SHLD1: variants seen among roughly 807,000 people sequenced by gnomAD.
The protein encoded by SHLD1 is shieldin complex subunit 1, also known as RINN1-REV7-interacting novel NHEJ regulator 3.
SHLD1 carries 3 observed loss-of-function variants against 5.5 expected under a neutral mutation model. The ratio of observed to expected loss-of-function variants is 0.54; its 90% CI spans 0.25 to 1.40. The LOEUF (loss-of-function observed/expected upper bound fraction) is 1.40. SHLD1 is among the 40% of genes most tolerant of loss of function. SHLD1 has a pLI of 0.15. For synonymous variants in SHLD1, 92 were observed against 94.3 expected (o/e 0.98, Z 0.14); for missense variants, 210 against 244.4 (o/e 0.86, Z 0.94).
intron 2 of SHLD1, among the ~76,000 whole-genome samples, chr20:5,779,972 GT>G (rs11381238): frequency 0.012 from 944 of 81,764 alleles, 4 homozygotes; most frequent in African/African-American, 0.042. Context: ...TACAATTTCT[GT>G]TTTTTTTTTT....
intron 2 of SHLD1, among the ~76,000 whole-genome samples, chr20:5,804,033 G>A (rs75005150): frequency 0.024 from 3,639 of 150,588 alleles, 150 homozygotes; most frequent in African/African-American, 0.084. Flanking sequence ...CTGTATGGCC[G>A]GGCGCAGTGG....
intron 2 of SHLD1, among the ~76,000 whole-genome samples, chr20:5,807,070 G>GC (rs2087388177): frequency 6.6e-6 from 1 of 152,212 alleles, no homozygotes; most frequent in South Asian, 2.1e-4. Context: ...GCAGGGCTTT[G>GC]CCCTCCTGGG....
At chr20:5,851,914 C>G (rs1032656858) in intron 2 of SHLD1, among the ~76,000 whole-genome samples, 4 of 151,478 alleles carry the variant, frequency 2.6e-5, no homozygotes, top group African/African-American at 9.7e-5. Context: ...GTGTTTGGGC[C>G]ATGAGGGTGG....
intron 1 of SHLD1, among the ~76,000 whole-genome samples, chr20:5,754,411 A>C (rs1468953416): frequency 6.6e-6 from 1 of 152,072 alleles, no homozygotes; most frequent in Non-Finnish European, 1.5e-5. Context: ...GCACCTGGCC[A>C]TGATCTCTAT....
chr20:5,830,636 C>A (rs982635129), intron 2 of SHLD1, among the ~76,000 whole-genome samples: 4 of 150,572 alleles, frequency 2.7e-5, no homozygotes, highest in African/African-American at 9.8e-5. Flanking sequence ...TGCAGTGAGC[C>A]GAGATTGCGC....
chr20:5,822,563 A>G (rs2087617742), intron 2 of SHLD1, among the ~76,000 whole-genome samples: 1 of 152,028 alleles, frequency 6.6e-6, no homozygotes, highest in African/African-American at 2.4e-5. Context: ...TGTGTCCCTA[A>G]GTCCCAGCAG....
chr20:5,755,685 C>G (rs986770735), intron 1 of SHLD1, among the ~76,000 whole-genome samples: 2 of 151,970 alleles, frequency 1.3e-5, no homozygotes, highest in Admixed American at 6.6e-5. Flanking sequence ...TCAGCCTCCC[C>G]AGTAGCTGGG....
At chr20:5,811,336 TGA>T (rs1228987866) in intron 2 of SHLD1, among the ~76,000 whole-genome samples, 1 of 152,118 alleles carries the variant, frequency 6.6e-6, no homozygotes, top group Non-Finnish European at 1.5e-5. Context: ...AGCCAGCAAC[TGA>T]GAGTGGAAAC....
intron 2 of SHLD1, among the ~76,000 whole-genome samples, chr20:5,779,415 C>G (rs1425657054): frequency 6.6e-6 from 1 of 152,152 alleles, no homozygotes; most frequent in Non-Finnish European, 1.5e-5. Context: ...ATTTTCTTTT[C>G]CATGCCTCTT....
At chr20:5,761,823 C>G (rs112154799) in intron 1 of SHLD1, among the ~76,000 whole-genome samples, 11,757 of 151,718 alleles carry the variant, frequency 0.077, 557 homozygotes, top group African/African-American at 0.12. Flanking sequence ...GGCCAGGCTG[C>G]TCTCGAACTA....
Position 5,792,876 on chromosome 20 carries a change from T to A in SHLD1, c.178+19833T>A, listed in dbSNP as rs570660143. On this transcript the variant is annotated intron_variant, in intron 2 of 2. Coordinates refer to ENST00000303142, the MANE Select transcript of SHLD1 (RefSeq NM_152504.4). ...TTTTAGTAGAGACGGGGTTTCATCA[T>A]GTTGGCCAGGCTGGTCTCGAACTCC... 1.8e-3 allele frequency among the ~76,000 whole-genome samples: 271 copies of A among 152,028 alleles called. 1 individual carries two copies. The highest frequency in any genetic ancestry group is 5.8e-3 in the South Asian group (28 of 4,812).
chr20:5,854,514 C>G (rs976052923), intron 2 of SHLD1, among the ~76,000 whole-genome samples: 8 of 152,202 alleles, frequency 5.3e-5, no homozygotes, highest in African/African-American at 1.7e-4. Context: ...ACTAAGGCTT[C>G]TAAACTAGCA....
At chr20:5,750,874 G>GC (rs1270139134) in intron 1 of SHLD1, among the ~76,000 whole-genome samples, 3 of 152,146 alleles carry the variant, frequency 2.0e-5, no homozygotes, top group African/African-American at 7.2e-5. Context: ...GCATTCGCCT[G>GC]TAGTTCCAGC....
chr20:5,773,180 T>A, intron 2 of SHLD1, 137 bp downstream of exon 2: 1 of 985,354 alleles, frequency 1.0e-6, no homozygotes, highest in Non-Finnish European at 1.6e-6. Flanking sequence ...ACATCTTACC[T>A]AAGCAAAGCT....
intron 2 of SHLD1, among the ~76,000 whole-genome samples, chr20:5,834,818 G>A (rs1251478422): frequency 6.6e-6 from 1 of 152,166 alleles, no homozygotes; most frequent in Non-Finnish European, 1.5e-5. Context: ...AACAGATTCA[G>A]CATCTGGTGA....
In SHLD1 at chr20:5,789,938, G is replaced by GC. The variant is rs1302967556; in HGVS notation, c.178+16900dup. On this transcript the variant is annotated intron_variant, in intron 2 of 2. Coordinates refer to ENST00000303142, the MANE Select transcript of SHLD1 (RefSeq NM_152504.4). Reference sequence around the variant, plus strand: ...TATCCAACATGACCAGGAAAGCCCAGCCCCCGGGAAGGGGAGATTAATAGG... The same window carrying GC: ...TATCCAACATGACCAGGAAAGCCCAGCCCCCCGGGAAGGGGAGATTAATAGG... Among the ~76,000 whole-genome samples, 3 of 152,194 alleles carry GC rather than the reference G, an allele frequency of 2.0e-5. No individual in the cohort carries two copies. In the East Asian group the frequency reaches 5.8e-4, roughly 29 times the overall value.
intron 2 of SHLD1, among the ~76,000 whole-genome samples, chr20:5,779,013 G>C (rs1353671931): frequency 6.6e-6 from 1 of 152,068 alleles, no homozygotes; most frequent in Non-Finnish European, 1.5e-5. Context: ...GACCAGCCTG[G>C]ACAACATGGT....
chr20:5,825,669 A>G (rs1188962798), intron 2 of SHLD1, among the ~76,000 whole-genome samples: 1 of 151,156 alleles, frequency 6.6e-6, no homozygotes, highest in Non-Finnish European at 1.5e-5. Context: ...TAAGCCCAGG[A>G]GATCAAGGCT....
chr20:5,797,850 T>A (rs1432455079), intron 2 of SHLD1, among the ~76,000 whole-genome samples: 5 of 152,236 alleles, frequency 3.3e-5, no homozygotes, highest in Non-Finnish European at 7.3e-5. Context: ...TTTCCTGGGC[T>A]ACTGCTTAGG....
Sources: gnomAD v4.1 joint callset for allele counts (sites outside exome capture counted in the v4.1 genomes callset) on GRCh38, gnomAD v4.1.1 for gene constraint, MANE v1.5 for transcripts, NCBI Gene and HGNC (gene_info 2026-07-23, HGNC 2026-07-21) for gene names.